PDE1A: variants seen among roughly 807,000 people sequenced by gnomAD.
PDE1A encodes the protein dual specificity calcium/calmodulin-dependent 3',5'-cyclic nucleotide phosphodiesterase 1A.
Under a neutral mutation model 61.7 loss-of-function variants are expected in PDE1A, and 35 were observed. That is an observed-to-expected ratio of 0.57 (90% CI 0.43 to 0.75). The LOEUF is 0.75. PDE1A is among the 30% of genes least tolerant of loss of function. The pLI, the probability that PDE1A is intolerant of heterozygous loss-of-function variation, is 0.00. For synonymous variants in PDE1A, 232 were observed against 213.2 expected, an observed-to-expected ratio of 1.09 and a Z score of -0.77; for missense variants, 597 against 630.6, an observed-to-expected ratio of 0.95 and a Z score of 0.57.
At chr2:182,317,850 G>A (rs1349447064) in intron 1 of PDE1A, among the ~76,000 whole-genome samples, 1 of 152,030 alleles carries the variant, frequency 6.6e-6, no homozygotes, top group East Asian at 1.9e-4. Flanking sequence ...GAAGGAGAAG[G>A]GAATAGGTAG....
At chr2:182,220,900 T>C (rs1688660144) in intron 7 of PDE1A, among the ~76,000 whole-genome samples, 1 of 152,092 alleles carries the variant, frequency 6.6e-6, no homozygotes, top group Non-Finnish European at 1.5e-5. Context: ...AATCATGTTA[T>C]ATTGTTGCAT....
intron 13 of PDE1A, among the ~76,000 whole-genome samples, chr2:182,150,503 T>G (rs1035649238): frequency 2.6e-5 from 4 of 152,194 alleles, no homozygotes; most frequent in Non-Finnish European, 4.4e-5. Flanking sequence ...TGAATGCAAG[T>G]GGTCTGTTCA....
intron 1 of PDE1A, among the ~76,000 whole-genome samples, chr2:182,277,321 T>G (rs996064650): frequency 6.6e-6 from 1 of 152,116 alleles, no homozygotes; most frequent in Non-Finnish European, 1.5e-5. Flanking sequence ...CTCTTTCTCT[T>G]CATTTCTCAG....
chr2:182,643,664 A>T, the PDE1A span, among the ~76,000 whole-genome samples: 28 of 152,292 alleles, frequency 1.8e-4, no homozygotes, highest in South Asian at 5.6e-3. Context: ...AACTATTAGC[A>T]TTGCTCTTTA....
intron 1 of PDE1A, among the ~76,000 whole-genome samples, chr2:182,271,736 T>C (rs185793241): frequency 5.3e-5 from 8 of 152,270 alleles, no homozygotes; most frequent in Middle Eastern, 3.4e-3. Context: ...TGTGGTATAA[T>C]TTTTATATTG....
the PDE1A span, among the ~76,000 whole-genome samples, chr2:182,623,371 A>G: frequency 3.3e-5 from 5 of 152,150 alleles, no homozygotes; most frequent in Non-Finnish European, 4.4e-5. Flanking sequence ...AAGGAGTCTC[A>G]AGAAGTCTTG....
chr2:182,489,235 G>A (rs1688225161), intron 2 of PDE1A, among the ~76,000 whole-genome samples: 1 of 152,170 alleles, frequency 6.6e-6, no homozygotes, highest in Non-Finnish European at 1.5e-5. Flanking sequence ...AGTTTAGAAG[G>A]AGAAGCAAGA....
chr2:182,512,267 G>T (rs1254430669), intron 2 of PDE1A, among the ~76,000 whole-genome samples: 1 of 152,154 alleles, frequency 6.6e-6, no homozygotes, highest in Non-Finnish European at 1.5e-5. Flanking sequence ...TTAACCTCAA[G>T]GGGCCATAAA....
upstream of PDE1A, among the ~76,000 whole-genome samples, chr2:182,526,890 A>T (rs1163328184): frequency 6.6e-6 from 1 of 152,008 alleles, no homozygotes; most frequent in Non-Finnish European, 1.5e-5. Context: ...CCACACCCTC[A>T]TTTGTTTATG....
chr2:182,710,754 T>G, the PDE1A span, among the ~76,000 whole-genome samples: 20 of 152,240 alleles, frequency 1.3e-4, no homozygotes, highest in Non-Finnish European at 2.9e-4. Context: ...TCTATTCATC[T>G]GTCAATGGAT....
At chr2:182,470,579 A>G (rs1487901228) in intron 2 of PDE1A, among the ~76,000 whole-genome samples, 1 of 151,874 alleles carries the variant, frequency 6.6e-6, no homozygotes, top group Non-Finnish European at 1.5e-5. Flanking sequence ...GTCAGTAAAT[A>G]CATACAGGAA....
chr2:182,516,731 AGGAAGGAAGG>A (rs1690190465), intron 2 of PDE1A, among the ~76,000 whole-genome samples: 1 of 145,378 alleles, frequency 6.9e-6, no homozygotes, highest in East Asian at 2.0e-4. Context: ...GAAGGAAGGA[AGGAAGGAAGG>A]AAAAAGAGAG....
At chr2:182,512,346 T>G (rs935609085) in intron 2 of PDE1A, among the ~76,000 whole-genome samples, 1 of 152,110 alleles carries the variant, frequency 6.6e-6, no homozygotes, top group Non-Finnish European at 1.5e-5. Flanking sequence ...GAGCTGAGAC[T>G]TGGCCCCCTG....
chr2:182,425,168 G>A (rs987660799), intron 1 of PDE1A, among the ~76,000 whole-genome samples: 2 of 152,164 alleles, frequency 1.3e-5, no homozygotes, highest in Non-Finnish European at 2.9e-5. Context: ...AAAGATGATG[G>A]CTAGGTGGAT....
intron 1 of PDE1A, among the ~76,000 whole-genome samples, chr2:182,276,162 G>T (rs1471365585): frequency 1.3e-5 from 2 of 151,066 alleles, no homozygotes; most frequent in East Asian, 3.9e-4. Context: ...CTTTGTTTCT[G>T]GTTTCTTTCA....
chr2:182,561,272 A>G, the PDE1A span, among the ~76,000 whole-genome samples: 1 of 152,172 alleles, frequency 6.6e-6, no homozygotes, highest in African/African-American at 2.4e-5. Flanking sequence ...CTTTCCACAT[A>G]TGGGTAGCCA....
At chr2:182,177,144 T>A (rs2125352433) in intron 13 of PDE1A, among the ~76,000 whole-genome samples, 1 of 151,002 alleles carries the variant, frequency 6.6e-6, no homozygotes, top group South Asian at 2.1e-4. Flanking sequence ...GGTCTAAAAT[T>A]CTCTTTTTTT....
At chr2:182,443,712 T>C (rs75556043) in intron 2 of PDE1A, among the ~76,000 whole-genome samples, 26,259 of 149,412 alleles carry the variant, frequency 0.18, 2,658 homozygotes, top group Middle Eastern at 0.35. Context: ...TTTTTTTTTT[T>C]TTTTTTTGGA....
At chr2:182,554,481 T>C in the PDE1A span, among the ~76,000 whole-genome samples, 2 of 152,208 alleles carry the variant, frequency 1.3e-5, no homozygotes, top group Non-Finnish European at 2.9e-5. Context: ...TGGACCAGGC[T>C]TGATCATCTC....
Sources: gnomAD v4.1 joint callset for allele counts (sites outside exome capture counted in the v4.1 genomes callset) on GRCh38, gnomAD v4.1.1 for gene constraint, MANE v1.5 for transcripts, NCBI Gene and HGNC (gene_info 2026-07-23, HGNC 2026-07-21) for gene names.